The following GLIS3 variants were observed in gnomAD, a reference collection of about 807,000 sequenced individuals.
GLIS3 encodes the protein zinc finger protein GLIS3.
Under a neutral mutation model 78.6 loss-of-function variants are expected in GLIS3, and 53 were observed. The ratio of observed to expected loss-of-function variants is 0.67; its 90% CI spans 0.54 to 0.85. GLIS3 has a LOEUF of 0.85. Among genes scored for constraint, GLIS3 ranks in the 40% least tolerant of loss-of-function variants. GLIS3 has a pLI of 0.00. For synonymous variants in GLIS3, 684 were observed against 509.9 expected (o/e 1.34, Z -4.60); for missense variants, 1,703 against 1,231.1 (o/e 1.38, Z -5.74).
At chr9:3,854,174 G>A (rs1004435578) in intron 9 of GLIS3, among the ~76,000 whole-genome samples, 4 of 152,156 alleles carry the variant, frequency 2.6e-5, no homozygotes, top group Admixed American at 6.5e-5. Flanking sequence ...TAAACTCCTC[G>A]ACTGGACTGG....
chr9:3,829,193 A>C, intron 10 of GLIS3, 117 bp downstream of exon 10: 1 of 856,768 alleles, frequency 1.2e-6, no homozygotes, highest in African/African-American at 1.7e-5. Flanking sequence ...GGGTCGTTCA[A>C]CAGGATTTGA....
Position 4,118,795 on chromosome 9 carries a change from GA to G in GLIS3, c.682del (p.Ser228ProfsTer21). 1 of 1,610,964 alleles carries G rather than the reference GA, an allele frequency of 6.2e-7. No homozygotes were observed. Among genetic ancestry groups the G allele is most frequent in the Non-Finnish European group, 8.5e-7 (1 of 1,180,000 alleles). ...CGAAGGGAGGGCCCTGTAGCCCTGG[GA>G]CCACTCCTGCTTCATGCTTGAGGCC... ...QSASSMKQEW[S>X]QGYRALPSLS... On this transcript the variant is annotated frameshift_variant, in exon 4 of 11. Transcript: ENST00000381971. LOFTEE classifies it high-confidence loss of function. This position sits in a 1 kb window ranked among gnomAD's most constrained non-coding sequence, Gnocchi z 4.7.
intron 8 of GLIS3, among the ~76,000 whole-genome samples, chr9:3,876,604 A>T (rs968442676): frequency 7.7e-6 from 1 of 129,098 alleles, no homozygotes; most frequent in Non-Finnish European, 1.6e-5. Context: ...TTCTGCAACA[A>T]TAGGCAGGAA....
intron 2 of GLIS3, among the ~76,000 whole-genome samples, chr9:4,180,976 G>A (rs1488864594): frequency 1.3e-5 from 2 of 152,164 alleles, no homozygotes; most frequent in African/African-American, 2.4e-5. Flanking sequence ...TGGAGGTGGG[G>A]AACAAGGGGC....
At chr9:4,266,381 AT>A (rs1476834014) in intron 2 of GLIS3, among the ~76,000 whole-genome samples, 1 of 152,050 alleles carries the variant, frequency 6.6e-6, no homozygotes, top group Non-Finnish European at 1.5e-5. Context: ...CTCTAAGAAA[AT>A]TTTCTGAGAC....
At chr9:4,165,578 A>G (rs1482469757) in intron 2 of GLIS3, among the ~76,000 whole-genome samples, 3 of 152,226 alleles carry the variant, frequency 2.0e-5, no homozygotes, top group Non-Finnish European at 4.4e-5. Context: ...ATAAAGCTAC[A>G]CTCCGAGTTT....
intron 2 of GLIS3, among the ~76,000 whole-genome samples, chr9:4,220,830 C>G (rs1347339528): frequency 2.6e-5 from 4 of 151,988 alleles, no homozygotes; most frequent in Non-Finnish European, 5.9e-5. Flanking sequence ...CAATATGTGT[C>G]TCAAATTAAC....
chr9:4,285,949 AT>A (rs773097619), intron 2 of GLIS3, 88 bp downstream of exon 2: 1 of 1,478,888 alleles, frequency 6.8e-7, no homozygotes, highest in Non-Finnish European at 9.4e-7. Context: ...TGAATCATGT[AT>A]TTTTCCATAG....
Position 4,180,455 on chromosome 9 carries a change from C to A in GLIS3, c.389-54514G>T, listed in dbSNP as rs540796677. ...CTGTTTCCTCATCAGCAAGGATGCC[C>A]CCACATAATTTTTTACGGCTATTTT... On this transcript the variant is annotated intron_variant, in intron 2 of 10. Coordinates refer to ENST00000381971, the MANE Select transcript of GLIS3 (RefSeq NM_001042413.2). 1.9e-4 allele frequency among the ~76,000 whole-genome samples: 29 copies of A among 152,292 alleles called. No homozygotes were observed. The East Asian group carries it at 4.8e-3, about 25-fold the overall frequency.
rs537966660 is a variant in GLIS3 at position 3,856,144 on chromosome 9, G to A, written c.2338C>T (p.Arg780Trp). ...ATTGAAGAAGGAGCTGGAACTCTCCGGGGGCTGATGTGGTGAGGAGATGGA... is the reference window on the plus strand; with the variant it reads ...ATTGAAGAAGGAGCTGGAACTCTCCAGGGGCTGATGTGGTGAGGAGATGGA... ...SAPSPHHISP[R>W]RVPAPSSILQ... Residue 780 changes from arginine to tryptophan, a missense_variant, in exon 9 of 11, where the codon CGG (arginine) becomes TGG (tryptophan). Arg to Trp is a moderately radical substitution (Grantham distance 101, BLOSUM62 -3). Transcript: ENST00000381971. 2.2e-5 allele frequency: 35 copies of A among 1,614,090 alleles called. No individual in the cohort carries two copies. The highest frequency in any genetic ancestry group is 2.4e-5 in the Non-Finnish European group (28 of 1,179,980).
chr9:4,225,516 G>C (rs536833168), intron 2 of GLIS3, among the ~76,000 whole-genome samples: 5 of 152,184 alleles, frequency 3.3e-5, no homozygotes, highest in African/African-American at 1.2e-4. Context: ...GCTTTAATGT[G>C]GTCTGCTAAA....
At chr9:4,158,879 G>T (rs1001215584) in intron 2 of GLIS3, among the ~76,000 whole-genome samples, 6 of 152,128 alleles carry the variant, frequency 3.9e-5, no homozygotes, top group African/African-American at 9.7e-5. Flanking sequence ...GGCAGAAAAG[G>T]CCTATGGAAG....
chr9:4,110,272 T>A (rs1050283715), intron 4 of GLIS3, among the ~76,000 whole-genome samples: 2 of 152,140 alleles, frequency 1.3e-5, no homozygotes, highest in African/African-American at 4.8e-5. Flanking sequence ...CTCTCAAAAG[T>A]GTCCTAATTT....
chr9:4,149,817 T>C (rs1455764555), intron 2 of GLIS3, among the ~76,000 whole-genome samples: 1 of 151,958 alleles, frequency 6.6e-6, no homozygotes. Context: ...TAAAATAAGG[T>C]AGGATAAAAA....
intron 2 of GLIS3, among the ~76,000 whole-genome samples, chr9:4,335,956 T>G (rs920166762): frequency 3.3e-5 from 5 of 152,168 alleles, no homozygotes; most frequent in Non-Finnish European, 7.3e-5. Context: ...TAAATTTACT[T>G]GGTGACAGGT....
intron 2 of GLIS3, among the ~76,000 whole-genome samples, chr9:4,142,259 G>A (rs564818988): frequency 6.6e-6 from 1 of 152,202 alleles, no homozygotes; most frequent in Non-Finnish European, 1.5e-5. Flanking sequence ...TGCTAAAGCT[G>A]AGAATAAACA....
chr9:4,183,304 G>C (rs1335717285), intron 2 of GLIS3, among the ~76,000 whole-genome samples: 1 of 152,128 alleles, frequency 6.6e-6, no homozygotes. Flanking sequence ...ATGGTTTTAA[G>C]GATGCAACAT....
At chr9:4,096,061 C>T (rs1344155553) in intron 4 of GLIS3, among the ~76,000 whole-genome samples, 2 of 141,648 alleles carry the variant, frequency 1.4e-5, no homozygotes. Context: ...AATAGAAACA[C>T]ATCTAAATAC....
the GLIS3 span, among the ~76,000 whole-genome samples, chr9:4,364,121 T>A: frequency 6.6e-6 from 1 of 152,242 alleles, no homozygotes; most frequent in Non-Finnish European, 1.5e-5. Context: ...GTCCTTCAGC[T>A]GAATAAAATA....
Sources: gnomAD v4.1 joint callset for allele counts (sites outside exome capture counted in the v4.1 genomes callset) on GRCh38, gnomAD v4.1.1 for gene constraint, Gnocchi (gnomAD v3.1) non-coding constraint, MANE v1.5 for transcripts, NCBI Gene and HGNC (gene_info 2026-07-23, HGNC 2026-07-21) for gene names.